The following CEP164 variants were observed in gnomAD, a reference collection of about 807,000 sequenced individuals.
The protein encoded by CEP164 is centrosomal protein of 164 kDa.
CEP164 carries 162 observed loss-of-function variants against 182.7 expected under a neutral mutation model. The ratio of observed to expected loss-of-function variants is 0.89; its 90% CI spans 0.78 to 1.01. CEP164 has a LOEUF of 1.01. Among genes scored for constraint, CEP164 ranks in the 50% least tolerant of loss-of-function variants. CEP164 has a pLI of 0.00. For synonymous variants in CEP164, 661 were observed against 690.0 expected (o/e 0.96, Z 0.66); for missense variants, 1,735 against 1,790.4 (o/e 0.97, Z 0.56).
intron 27 of CEP164, among the ~76,000 whole-genome samples, chr11:117,405,442 G>A (rs1050292193): frequency 3.9e-5 from 6 of 152,114 alleles, no homozygotes; most frequent in African/African-American, 1.4e-4. Flanking sequence ...TGGGTGAGGC[G>A]ACACCCACCT....
chr11:117,403,124 T>C (rs2046327621), intron 27 of CEP164, among the ~76,000 whole-genome samples: 1 of 152,242 alleles, frequency 6.6e-6, no homozygotes. Flanking sequence ...GTTTATGCAG[T>C]TTGCCAGTCT....
intron 5 of CEP164, 97 bp from the exon 6 acceptor site, chr11:117,361,738 C>T (rs1263018076): frequency 2.3e-5 from 29 of 1,255,292 alleles, no homozygotes; most frequent in African/African-American, 4.5e-5. Flanking sequence ...TAAATTTGAG[C>T]GTGCAGGATT....
rs2045197313 is a variant in CEP164, at chr11:117,394,673, C to G, written c.2760+180C>G. 6.6e-6 allele frequency among the ~76,000 whole-genome samples: 1 copy of G among 152,210 alleles called. No individual in the cohort carries two copies. Among genetic ancestry groups the G allele is most frequent in the Non-Finnish European group, 1.5e-5 (1 of 68,028 alleles). ...ACTTTGTTTTCTGGGCCAGGGAACA[C>G]ACTCAGGATTAGAACTAGAGGTCAG... On this transcript the variant is annotated intron_variant, in intron 21 of 32. Transcript: ENST00000278935. This position sits in a 1 kb window ranked among gnomAD's most constrained non-coding sequence, Gnocchi z 4.0.
intron 19 of CEP164, 128 bp from the exon 20 acceptor site, chr11:117,392,876 G>T: frequency 7.1e-7 from 1 of 1,416,928 alleles, no homozygotes; most frequent in Non-Finnish European, 9.7e-7. Flanking sequence ...TCATGGCTGT[G>T]TGATGTGCAT....
At position 117,395,114 on chromosome 11, in the gene CEP164, C is replaced by T. The variant is rs746045424; in HGVS notation, c.2845-9C>T. On this transcript the variant is annotated splice_polypyrimidine_tract_variant and intron_variant, in intron 22 of 32. Coordinates refer to ENST00000278935, the MANE Select transcript of CEP164 (RefSeq NM_014956.5). ...AGTCAGCCAGAAAATCCTGTCTCTT[C>T]CCTGCAAGGAGGAGACCGCCCGGAG... The T allele has an allele frequency of 1.1e-5, 17 of 1,614,074 alleles. No individual in the cohort carries two copies. Among genetic ancestry groups the T allele is most frequent in the Non-Finnish European group, 1.4e-5 (16 of 1,180,034 alleles).
intron 27 of CEP164, among the ~76,000 whole-genome samples, chr11:117,403,296 G>A (rs571268855): frequency 6.6e-6 from 1 of 152,360 alleles, no homozygotes; most frequent in South Asian, 2.1e-4. Flanking sequence ...TGTTTTTGCA[G>A]TGGCTGGTAG....
chr11:117,380,307 G>A (rs1348010845), intron 11 of CEP164, among the ~76,000 whole-genome samples: 1 of 152,108 alleles, frequency 6.6e-6, no homozygotes, highest in Non-Finnish European at 1.5e-5. Context: ...GCAGGAGGCA[G>A]GATTTTCTTT....
At chr11:117,401,260 A>G (rs2046105288) in intron 27 of CEP164, among the ~76,000 whole-genome samples, 1 of 152,170 alleles carries the variant, frequency 6.6e-6, no homozygotes, top group East Asian at 1.9e-4. Flanking sequence ...GATTTTTGTC[A>G]TTAGTTCTGT....
intron 5 of CEP164, among the ~76,000 whole-genome samples, chr11:117,359,140 T>TA (rs1387373819): frequency 6.6e-6 from 1 of 152,140 alleles, no homozygotes; most frequent in Non-Finnish European, 1.5e-5. Flanking sequence ...GACAGGGTTT[T>TA]ACCATATTGG....
At chr11:117,352,652 T>C (rs539374465) in intron 5 of CEP164, among the ~76,000 whole-genome samples, 101 of 152,304 alleles carry the variant, frequency 6.6e-4, no homozygotes, top group African/African-American at 2.4e-3. Flanking sequence ...AGTGGCGTGA[T>C]CTCAGCTCAC....
intron 1 of CEP164, among the ~76,000 whole-genome samples, chr11:117,335,377 T>G (rs1309118102): frequency 6.6e-6 from 1 of 152,098 alleles, no homozygotes; most frequent in Non-Finnish European, 1.5e-5. Flanking sequence ...TCAGGTTCAG[T>G]GCACTGACAA....
Position 117,407,992 on chromosome 11 carries a change from A to C in CEP164, c.3569A>C (p.Glu1190Ala). The part of the protein sequence containing the change: ...RKGHNLLKKK[E>A]EKLNQLESSL... ...GGCCACAACCTGCTGAAGAAGAAAG[A>C]GGAGAAGCTGAATCAGTTGGAGTCC... is the stretch of plus-strand genomic sequence containing the variant. Residue 1190 changes from glutamate (E) to alanine (A), a missense_variant, in exon 28 of 33, where the codon GAG becomes GCG. Physicochemically the swap from Glu to Ala is moderately radical, Grantham distance 107. Coordinates refer to ENST00000278935, the MANE Select transcript of CEP164 (RefSeq NM_014956.5). 1 of 1,600,846 alleles carries C rather than the reference A, an allele frequency of 6.2e-7. No homozygotes were observed. The highest frequency in any genetic ancestry group is 2.2e-5 in the East Asian group (1 of 44,574).
At chr11:117,367,800 CA>C (rs1461363277) in intron 8 of CEP164, among the ~76,000 whole-genome samples, 2 of 152,190 alleles carry the variant, frequency 1.3e-5, no homozygotes, top group Non-Finnish European at 2.9e-5. Context: ...CTGATCCTCT[CA>C]AAGATGGGAA....
In CEP164 at chr11:117,408,034, T is replaced by A. The variant is rs1261468278; in HGVS notation, c.3609+2T>A. The A allele has an allele frequency of 6.4e-7, 1 of 1,571,524 alleles. No homozygotes were observed. Among genetic ancestry groups the A allele is most frequent in the Non-Finnish European group, 8.7e-7 (1 of 1,155,736 alleles). ...TTGGAGTCCTCTCTTTGGGAAGAGG[T>A]GCAGCCCCATGTCCACATAGTCCAG... is the stretch of plus-strand genomic sequence containing the variant. On this transcript the variant is annotated splice_donor_variant, in intron 28 of 32. Transcript: ENST00000278935. LOFTEE classifies it high-confidence loss of function.
At position 117,371,060 on chromosome 11, in the gene CEP164, C is replaced by G; in HGVS notation, c.766-20C>G. 1 of 1,544,838 alleles carries G rather than the reference C, an allele frequency of 6.5e-7. No homozygotes were observed. Among genetic ancestry groups the G allele is most frequent in the Admixed American group, 2.1e-5 (1 of 48,444 alleles). ...ACATTCCTTTTGTCTTCCTTTCTAACATGGTCTGTTGCTCCCTAGGAGTCT... is the reference window on the plus strand; with the variant it reads ...ACATTCCTTTTGTCTTCCTTTCTAAGATGGTCTGTTGCTCCCTAGGAGTCT... On this transcript the variant is annotated intron_variant, in intron 8 of 32. Transcript: ENST00000278935.
chr11:117,376,933 A>G (rs2042802067), intron 11 of CEP164, among the ~76,000 whole-genome samples: 1 of 152,126 alleles, frequency 6.6e-6, no homozygotes, highest in Non-Finnish European at 1.5e-5. Flanking sequence ...TTGGGGTCCA[A>G]CACCTGGCCA....
At chr11:117,389,938 CTTTTTTTT>C (rs34794541) in intron 15 of CEP164, among the ~76,000 whole-genome samples, 18 of 94,632 alleles carry the variant, frequency 1.9e-4, no homozygotes, top group African/African-American at 5.0e-4. Context: ...CAGTAGTTTG[CTTTTTTTT>C]TTTTTTTTTT....
chr11:117,356,922 C>T (rs980707052), intron 5 of CEP164, among the ~76,000 whole-genome samples: 1 of 152,048 alleles, frequency 6.6e-6, no homozygotes, highest in Non-Finnish European at 1.5e-5. Flanking sequence ...AGCAGAACGT[C>T]GCTAATCCTG....
chr11:117,329,708 A>C (rs2035890551), intron 1 of CEP164, among the ~76,000 whole-genome samples: 1 of 151,808 alleles, frequency 6.6e-6, no homozygotes. Flanking sequence ...CTCCTGGCTA[A>C]TTTTTTGTAT....
Sources: gnomAD v4.1 joint callset for allele counts (sites outside exome capture counted in the v4.1 genomes callset) on GRCh38, gnomAD v4.1.1 for gene constraint, Gnocchi (gnomAD v3.1) non-coding constraint, MANE v1.5 for transcripts, NCBI Gene and HGNC (gene_info 2026-07-23, HGNC 2026-07-21) for gene names.